The following NEK11 variants were observed in gnomAD, a reference collection of about 807,000 sequenced individuals.
NEK11 encodes NIMA related kinase 11.
A neutral mutation model predicts 80.7 loss-of-function variants in NEK11; 72 were observed. That is an observed-to-expected ratio of 0.89 (90% CI 0.74 to 1.08). The LOEUF is 1.08. NEK11 is among the 50% of genes least tolerant of loss of function. The pLI is 0.00. For missense variants in NEK11, 764 were observed against 763.6 expected (o/e 1.00, Z -0.01); for synonymous variants, 251 against 260.7 (o/e 0.96, Z 0.36).
intron 17 of NEK11, among the ~76,000 whole-genome samples, chr3:131,336,571 G>A (rs2110220417): frequency 6.6e-6 from 1 of 152,274 alleles, no homozygotes; most frequent in Non-Finnish European, 1.5e-5. Flanking sequence ...AGGACTTCAT[G>A]TCTAAAACAC....
chr3:131,226,412 A>G (rs918120115), intron 14 of NEK11, among the ~76,000 whole-genome samples: 1 of 152,134 alleles, frequency 6.6e-6, no homozygotes, highest in East Asian at 1.9e-4. Flanking sequence ...AATTGCAAGG[A>G]TATGGAACCA....
At chr3:131,083,651 T>C (rs988178679) in intron 4 of NEK11, among the ~76,000 whole-genome samples, 1 of 152,210 alleles carries the variant, frequency 6.6e-6, no homozygotes, top group Non-Finnish European at 1.5e-5. Context: ...TATCTCTTTA[T>C]CTCCAGGTTC....
At chr3:131,126,697 T>G (rs1387881385) in intron 5 of NEK11, among the ~76,000 whole-genome samples, 3 of 152,152 alleles carry the variant, frequency 2.0e-5, no homozygotes, top group Non-Finnish European at 1.5e-5. Context: ...TAAATTCTGC[T>G]TGGGATTTCT....
At chr3:131,061,032 A>G (rs970040448) in intron 3 of NEK11, among the ~76,000 whole-genome samples, 1 of 152,186 alleles carries the variant, frequency 6.6e-6, no homozygotes, top group Non-Finnish European at 1.5e-5. Flanking sequence ...CAAAAATGAA[A>G]GTCATAAATC....
chr3:131,079,378 T>C (rs1165451813), intron 3 of NEK11, among the ~76,000 whole-genome samples: 1 of 152,266 alleles, frequency 6.6e-6, no homozygotes, highest in Non-Finnish European at 1.5e-5. Context: ...AGAAATTTTC[T>C]ACTATAATAC....
intron 3 of NEK11, among the ~76,000 whole-genome samples, chr3:131,050,655 AT>A (rs1346415383): frequency 6.6e-6 from 1 of 152,148 alleles, no homozygotes; most frequent in Non-Finnish European, 1.5e-5. Context: ...TCTGAGTTAT[AT>A]TTTATTTATT....
In NEK11 at chr3:131,245,343, G is replaced by A. The variant is rs184716777; in HGVS notation, c.1621+1847G>A. Among the ~76,000 whole-genome samples the A allele has an allele frequency of 3.6e-4, 54 of 149,036 alleles. 1 individual carries two copies. The East Asian group carries it at 5.0e-3, about 14-fold the overall frequency. On this transcript the variant is annotated intron_variant, in intron 16 of 17. Transcript: ENST00000383366. Reference sequence around the variant, plus strand: ...TGTGTGTGTGTACTGTTATCCAATCGTCCTTTGACGGACACTTAGGTTGGT... The same window carrying A: ...TGTGTGTGTGTACTGTTATCCAATCATCCTTTGACGGACACTTAGGTTGGT...
At chr3:131,224,961 T>C (rs915766097) in intron 14 of NEK11, among the ~76,000 whole-genome samples, 3 of 152,236 alleles carry the variant, frequency 2.0e-5, no homozygotes, top group African/African-American at 4.8e-5. Context: ...AGTAAGCTGC[T>C]TAATTTATTA....
intron 17 of NEK11, among the ~76,000 whole-genome samples, chr3:131,289,583 G>T (rs1370239704): frequency 6.6e-6 from 1 of 152,128 alleles, no homozygotes; most frequent in Non-Finnish European, 1.5e-5. Flanking sequence ...GTGACTGACG[G>T]GATTTGGTTT....
At position 131,080,416 on chromosome 3, in the gene NEK11, A is replaced by G. The variant is rs539346583; in HGVS notation, c.171-7A>G. 6.3e-7 allele frequency: 1 copy of G among 1,580,540 alleles called. No individual in the cohort carries two copies. The highest frequency in any genetic ancestry group is 1.2e-5 in the South Asian group (1 of 85,264). ...CTAAATGTTTTTAAAATTTTTTTTG[A>G]TCTCAGAAAGGTACTTAAGGAAATA... On this transcript the variant is annotated splice_region_variant and splice_polypyrimidine_tract_variant and intron_variant, in intron 3 of 17. Coordinates refer to ENST00000383366, the MANE Select transcript of NEK11 (RefSeq NM_024800.5).
chr3:131,117,907 T>G (rs1351390321), intron 5 of NEK11, among the ~76,000 whole-genome samples: 1 of 152,216 alleles, frequency 6.6e-6, no homozygotes, highest in South Asian at 2.1e-4. Flanking sequence ...TATATGATTA[T>G]GTCGTCTGCA....
chr3:131,124,246 A>G (rs1287557924), intron 5 of NEK11, among the ~76,000 whole-genome samples: 1 of 152,208 alleles, frequency 6.6e-6, no homozygotes, highest in Non-Finnish European at 1.5e-5. Context: ...AATTTCAAAA[A>G]ACATGGAAGA....
At chr3:131,241,890 T>C (rs867218346) in intron 15 of NEK11, among the ~76,000 whole-genome samples, 1 of 152,138 alleles carries the variant, frequency 6.6e-6, no homozygotes, top group African/African-American at 2.4e-5. Flanking sequence ...ATTTGGGGTA[T>C]TTATTTTCTT....
chr3:131,282,817 A>T lies in NEK11; in HGVS notation c.1718+9243A>T, dbSNP rs145532474. Among the ~76,000 whole-genome samples, 327 of 151,298 alleles carry T rather than the reference A, an allele frequency of 2.2e-3. 2 individuals are homozygous for T. The highest frequency in any genetic ancestry group is 7.8e-3 in the African/African-American group (316 of 40,596). On this transcript the variant is annotated intron_variant, in intron 17 of 17. Coordinates refer to ENST00000383366, the MANE Select transcript of NEK11 (RefSeq NM_024800.5). ...ACAGTAGCAATCACTTGTAAAAATG[A>T]TGGTGAGACATTAAGCACTTGCTAA...
At chr3:131,109,760 A>G (rs760365939) in intron 4 of NEK11, 43 bp from the exon 5 acceptor site, 1 of 1,543,560 alleles carries the variant, frequency 6.5e-7, no homozygotes, top group Non-Finnish European at 8.7e-7. Context: ...TGATTTTAAC[A>G]TATTAGCTGA....
chr3:131,205,980 A>G (rs1441321616), intron 14 of NEK11, among the ~76,000 whole-genome samples: 14 of 152,202 alleles, frequency 9.2e-5, no homozygotes, highest in Admixed American at 9.2e-4. Context: ...GTGTCACAGG[A>G]TAACCATGGA....
chr3:131,088,272 T>G (rs952370844), intron 4 of NEK11: 1 of 152,240 alleles, frequency 6.6e-6, no homozygotes, highest in Non-Finnish European at 1.5e-5. Flanking sequence ...TTTGTGATTT[T>G]TATAAGTATC....
At chr3:131,185,943 C>T (rs1208752365) in intron 14 of NEK11, among the ~76,000 whole-genome samples, 1 of 152,126 alleles carries the variant, frequency 6.6e-6, no homozygotes, top group Non-Finnish European at 1.5e-5. Flanking sequence ...ATTTAATATT[C>T]CCAAGCCTCA....
At chr3:131,169,026 A>G in intron 13 of NEK11, 89 bp downstream of exon 13, 1 of 951,446 alleles carries the variant, frequency 1.1e-6, no homozygotes. Context: ...GAAGCCGAAC[A>G]CTTTGCAGAG....
Sources: allele counts gnomAD v4.1 joint callset (sites outside exome capture counted in the v4.1 genomes callset), GRCh38; gene constraint gnomAD v4.1.1; transcripts MANE v1.5; gene names NCBI Gene and HGNC (gene_info 2026-07-23, HGNC 2026-07-21).